The following MMAB variants were observed in gnomAD, a reference collection of about 807,000 sequenced individuals.
The protein encoded by MMAB is corrinoid adenosyltransferase MMAB.
Under a neutral mutation model 30.6 loss-of-function variants are expected in MMAB, and 17 were observed. That is an observed-to-expected ratio of 0.56 (90% CI 0.38 to 0.83). MMAB has a LOEUF of 0.83. Among genes scored for constraint, MMAB ranks in the 40% least tolerant of loss-of-function variants. The pLI, the probability that MMAB is intolerant of heterozygous loss-of-function variation, is 0.00. For missense variants in MMAB, 311 were observed against 331.6 expected (o/e 0.94, Z 0.48); for synonymous variants, 134 against 138.6 (o/e 0.97, Z 0.23).
chr12:109,569,009 G>A lies in MMAB; in HGVS notation c.197-146C>T, dbSNP rs12830693. On this transcript the variant is annotated intron_variant, in intron 2 of 8. Transcript: ENST00000545712. This position sits in a 1 kb window ranked among gnomAD's most constrained non-coding sequence, Gnocchi z 4.1. ...CATCCAGGCTGGAGTACAGCGGCGT[G>A]ATCTTGGCTCACTGCAGCCTCCCCC... is the stretch of plus-strand genomic sequence containing the variant. 4.4e-6 allele frequency: 3 copies of A among 687,874 alleles called. No individual in the cohort carries two copies. The highest frequency in any genetic ancestry group is 3.6e-5 in the African/African-American group (2 of 55,324). The allele number at this position is 687,874 out of a possible 1,614,324, so 42.6% of individuals were successfully genotyped here. A position where few individuals can be genotyped will look rare whatever the true frequency, so the allele number is the denominator to read the frequency against.
intron 3 of MMAB, 86 bp from the exon 4 acceptor site, chr12:109,565,262 A>G: frequency 2.0e-6 from 2 of 1,016,276 alleles, no homozygotes; most frequent in Admixed American, 3.4e-5. Context: ...CTCAGGTGGC[A>G]GGCCATTTAG....
In MMAB at chr12:109,561,639, G is replaced by T. The variant is rs1884209992; in HGVS notation, c.422-122C>A. 7 of 1,213,392 alleles carry T rather than the reference G, an allele frequency of 5.8e-6. No individual in the cohort carries two copies. The South Asian group carries it at 9.1e-5, about 16-fold the overall frequency. 75.2% of individuals were successfully genotyped at this position (1,213,392 alleles called of 1,614,324 possible). A position where few individuals can be genotyped will look rare whatever the true frequency, so the allele number is the denominator to read the frequency against. On this transcript the variant is annotated intron_variant, in intron 5 of 8. Coordinates refer to ENST00000545712, the MANE Select transcript of MMAB (RefSeq NM_052845.4). The surrounding 1 kb of genome is among the most constrained non-coding windows in gnomAD (Gnocchi z 5.3). ...CAGACTGCTTCCACTGGCTCAGAAG[G>T]TACCTTCCCTCCCAGGAGCTACGAG...
Position 109,555,518 on chromosome 12 carries a change from T to C in MMAB, c.*1510A>G, listed in dbSNP as rs1883942210. 3 of 430,784 alleles carry C rather than the reference T, an allele frequency of 7.0e-6. No homozygotes were observed. Among genetic ancestry groups the C allele is most frequent in the Non-Finnish European group, 1.4e-5 (3 of 219,296 alleles). 26.7% of individuals were successfully genotyped at this position (430,784 alleles called of 1,614,324 possible). A position where few individuals can be genotyped will look rare whatever the true frequency, so the allele number is the denominator to read the frequency against. ...CATGTTGACCAGGCTGGTCTCAAAC[T>C]CCTGACCTCAGGTGATCTGCCTGCC... On this transcript the variant is annotated 3_prime_UTR_variant, in exon 9 of 9. Coordinates refer to ENST00000545712, the MANE Select transcript of MMAB (RefSeq NM_052845.4).
chr12:109,565,065 G>A (rs952479771), intron 4 of MMAB, 54 bp downstream of exon 4: 9 of 1,411,024 alleles, frequency 6.4e-6, no homozygotes, highest in African/African-American at 1.4e-5. Context: ...GCTGAGTCCC[G>A]TGATGGCCAC....
rs1355023968 is a variant in MMAB at position 109,573,366 on chromosome 12, C to A, written c.115G>T (p.Gly39Cys). ...ACTCACCTGTCCCCGTCTTCCACGC[C>A]CTGAGGGCCGCGGCTCTGGAAACGG... ...YPRFQSRGPQ[G>C]VEDGDRPQPS... The change falls in exon 1 of 9, where the codon GGC becomes TGC. Residue 39 changes from glycine to cysteine, a missense_variant. Physicochemically the swap from Gly to Cys is radical, Grantham distance 159 (BLOSUM62 -3). Coordinates refer to ENST00000545712, the MANE Select transcript of MMAB (RefSeq NM_052845.4). The A allele has an allele frequency of 6.2e-7, 1 of 1,613,086 alleles. No homozygotes were observed. The highest frequency in any genetic ancestry group is 8.5e-7 in the Non-Finnish European group (1 of 1,179,918).
Position 109,568,777 on chromosome 12 carries a change from C to A in MMAB, c.283G>T (p.Ala95Ser). 3 of 1,613,636 alleles carry A rather than the reference C, an allele frequency of 1.9e-6. No individual in the cohort carries two copies. The highest frequency in any genetic ancestry group is 2.2e-5 in the South Asian group (2 of 91,074). The change falls in exon 3 of 9, where the codon GCT (alanine) becomes TCT (serine). Residue 95 changes from alanine (A) to serine (S), a missense_variant. Coordinates refer to ENST00000545712, the MANE Select transcript of MMAB (RefSeq NM_052845.4). ...CAATCCTGTCCCCCTTACCCAATAG[C>A]TGAACTTAATTCATCTGTAGTTCCC... The part of the protein sequence containing the change: ...AVGTTDELSS[A>S]IGFALELVTE...
chr12:109,564,359 T>C (rs1884332147), intron 4 of MMAB, among the ~76,000 whole-genome samples: 1 of 151,574 alleles, frequency 6.6e-6, no homozygotes, highest in Admixed American at 6.6e-5. Context: ...TGTCTCCAGT[T>C]GTTTGTTTTG....
intron 4 of MMAB, among the ~76,000 whole-genome samples, chr12:109,564,269 G>C (rs1391840860): frequency 6.6e-6 from 1 of 152,178 alleles, no homozygotes; most frequent in Admixed American, 6.5e-5. Context: ...GGGCAGAATG[G>C]CCCTGGGTTG....
rs754537585 is a variant in MMAB at position 109,554,038 on chromosome 12, G to A, written c.*2990C>T. ...AAATGAGACAGCAGGATCTATCAGA[G>A]CCTGGCATTGTTCGCCACAGCCCAG... On this transcript the variant is annotated 3_prime_UTR_variant, in exon 9 of 9. Transcript: ENST00000545712. The A allele has an allele frequency of 4.8e-5, 22 of 454,114 alleles. 2 individuals are homozygous for A. The highest frequency in any genetic ancestry group is 3.4e-4 in the South Asian group (22 of 64,478). The allele number at this position is 454,114 out of a possible 1,614,324, so 28.1% of individuals were successfully genotyped here. A position where few individuals can be genotyped will look rare whatever the true frequency, so the allele number is the denominator to read the frequency against.
At chr12:109,560,970 T>TGGGGCGG in intron 7 of MMAB, 70 bp downstream of exon 7, 1 of 808,204 alleles carries the variant, frequency 1.2e-6, no homozygotes, top group Non-Finnish European at 2.0e-6. Flanking sequence ...CTCCTCTCCC[T>TGGGGCGG]CTCCCTCCCC....
chr12:109,560,555 G>A (rs1293627042), intron 7 of MMAB, among the ~76,000 whole-genome samples: 1 of 152,146 alleles, frequency 6.6e-6, no homozygotes, highest in African/African-American at 2.4e-5. Context: ...AGGAGGTGGT[G>A]GCTAGTCTGC....
intron 4 of MMAB, among the ~76,000 whole-genome samples, chr12:109,563,313 G>A (rs1352308223): frequency 6.6e-6 from 1 of 152,222 alleles, no homozygotes; most frequent in African/African-American, 2.4e-5. Context: ...CTGAGGCTCA[G>A]TTTGGCTCCC....
rs189959871 is a variant in MMAB at position 109,557,846 on chromosome 12, G to A, written c.645-710C>T. The stretch of plus-strand genomic sequence containing the variant: ...GAGACCAGAGCCCAGCCCCTTTCCC[G>A]CCTCCTCCTTTGAACCAACAGCAAT... On this transcript the variant is annotated intron_variant, in intron 8 of 8. Coordinates refer to ENST00000545712, the MANE Select transcript of MMAB (RefSeq NM_052845.4). Among the ~76,000 whole-genome samples the A allele has an allele frequency of 7.8e-4, 119 of 152,304 alleles. 1 individual carries two copies. The East Asian group carries it at 7.9e-3, about 10-fold the overall frequency.
In MMAB at chr12:109,553,951, C is replaced by T. The variant is rs1181769373; in HGVS notation, c.*3077G>A. 1 of 453,920 alleles carries T rather than the reference C, an allele frequency of 2.2e-6. No homozygotes were observed. The highest frequency in any genetic ancestry group is 6.9e-5 in the East Asian group (1 of 14,406). The allele number at this position is 453,920 out of a possible 1,614,324, so 28.1% of individuals were successfully genotyped here. ...TTACAAGTTCGGGCTGTGGAAATTA[C>T]TCGATGAAAAACGCACATTAACGAT... is the stretch of plus-strand genomic sequence containing the variant. On this transcript the variant is annotated 3_prime_UTR_variant, in exon 9 of 9. Coordinates refer to ENST00000545712, the MANE Select transcript of MMAB (RefSeq NM_052845.4).
chr12:109,561,264 G>A lies in MMAB; in HGVS notation c.519+156C>T. On this transcript the variant is annotated intron_variant, in intron 6 of 8. Coordinates refer to ENST00000545712, the MANE Select transcript of MMAB (RefSeq NM_052845.4). This position sits in a 1 kb window ranked among gnomAD's most constrained non-coding sequence, Gnocchi z 5.3. ...CCACCGGGCACGCTGCTCCAGAGTG[G>A]GCAGGGCTGGGAGGGACCGGTGAGG... 2 of 1,584,886 alleles carry A rather than the reference G, an allele frequency of 1.3e-6. No homozygotes were observed. The highest frequency in any genetic ancestry group is 3.3e-4 in the Middle Eastern group (2 of 6,048).
Position 109,553,923 on chromosome 12 carries a change from G to A in MMAB, c.*3105C>T. On this transcript the variant is annotated 3_prime_UTR_variant, in exon 9 of 9. Coordinates refer to ENST00000545712, the MANE Select transcript of MMAB (RefSeq NM_052845.4). ...AACTGGGGACGTTTGTCATTGGGAT[G>A]TGTTACAAGTTCGGGCTGTGGAAAT... 4.4e-6 allele frequency: 2 copies of A among 454,044 alleles called. No homozygotes were observed. The highest frequency in any genetic ancestry group is 2.0e-5 in the African/African-American group (1 of 50,096). The allele number at this position is 454,044 out of a possible 1,614,324, so 28.1% of individuals were successfully genotyped here.
chr12:109,559,296 C>T (rs1884106520), intron 7 of MMAB, 141 bp from the exon 8 acceptor site: 3 of 717,996 alleles, frequency 4.2e-6, no homozygotes, highest in Non-Finnish European at 7.7e-6. Context: ...GTGGAGATGA[C>T]AAATCCATCA....
Position 109,555,833 on chromosome 12 carries a change from A to G in MMAB, c.*1195T>C. On this transcript the variant is annotated 3_prime_UTR_variant, in exon 9 of 9. Transcript: ENST00000545712. ...GAATGAAGGCAAAAATATGCACGTGACTAAGAAGGTAATGTTTGCTGACTT... is the reference window on the plus strand; with the variant it reads ...GAATGAAGGCAAAAATATGCACGTGGCTAAGAAGGTAATGTTTGCTGACTT... The G allele has an allele frequency of 2.2e-6, 1 of 454,038 alleles. No individual in the cohort carries two copies. The highest frequency in any genetic ancestry group is 4.4e-6 in the Non-Finnish European group (1 of 226,762). The allele number at this position is 454,038 out of a possible 1,614,324, so 28.1% of individuals were successfully genotyped here.
chr12:109,568,687 A>G, intron 3 of MMAB, 83 bp downstream of exon 3: 3 of 1,078,666 alleles, frequency 2.8e-6, no homozygotes, highest in Non-Finnish European at 4.3e-6. Context: ...GCTGCTGCCC[A>G]GCATGCGTGA....
Sources: gnomAD v4.1 joint callset for allele counts (sites outside exome capture counted in the v4.1 genomes callset) on GRCh38, gnomAD v4.1.1 for gene constraint, Gnocchi (gnomAD v3.1) non-coding constraint, MANE v1.5 for transcripts, NCBI Gene and HGNC (gene_info 2026-07-23, HGNC 2026-07-21) for gene names.